DLC1: variants seen among roughly 807,000 people sequenced by gnomAD.
The protein encoded by DLC1 is DLC1 Rho GTPase activating protein, also known as rho GTPase-activating protein 7.
DLC1 carries 54 observed loss-of-function variants against 140.3 expected under a neutral mutation model. That is an observed-to-expected ratio of 0.38 (90% CI 0.31 to 0.48). DLC1 has a LOEUF of 0.48. DLC1 is among the 20% of genes least tolerant of loss of function. The pLI is 0.96. For synonymous variants in DLC1, 986 were observed against 728.1 expected (o/e 1.35, Z -5.70); for missense variants, 2,536 against 1,907.0 (o/e 1.33, Z -6.14).
intron 5 of DLC1, chr8:13,160,075 T>A (rs1239841264): frequency 2.0e-5 from 3 of 152,230 alleles, no homozygotes; most frequent in African/African-American, 7.2e-5. Context: ...GGAGAATCGC[T>A]TGAGCCCAAG....
At chr8:13,347,499 C>G (rs767777311) in intron 4 of DLC1, among the ~76,000 whole-genome samples, 1 of 152,144 alleles carries the variant, frequency 6.6e-6, no homozygotes, top group African/African-American at 2.4e-5. Context: ...GGAATTTAAC[C>G]TCTCCTCTGC....
intron 5 of DLC1, among the ~76,000 whole-genome samples, chr8:13,158,726 A>ACCCCC (rs1824436999): frequency 8.2e-4 from 14 of 17,054 alleles, no homozygotes; most frequent in East Asian, 1.9e-3. Flanking sequence ...GTTCACAACC[A>ACCCCC]CCACCCTCCC....
At chr8:13,351,803 C>T (rs183330028) in intron 4 of DLC1, among the ~76,000 whole-genome samples, 12 of 152,296 alleles carry the variant, frequency 7.9e-5, no homozygotes, top group Admixed American at 6.5e-4. Context: ...ACACACTTCT[C>T]AAAAGAAATT....
chr8:13,314,000 A>G (rs982039379), intron 4 of DLC1, among the ~76,000 whole-genome samples: 14 of 152,094 alleles, frequency 9.2e-5, no homozygotes, highest in African/African-American at 3.4e-4. Flanking sequence ...TTGGAGCAGC[A>G]GGACCTGAGG....
intron 7 of DLC1, among the ~76,000 whole-genome samples, chr8:13,110,336 A>C (rs562130282): frequency 4.0e-4 from 61 of 152,186 alleles, no homozygotes; most frequent in Non-Finnish European, 6.5e-4. Context: ...GGGAAACTGA[A>C]GAGGTTGAGA....
chr8:13,360,581 C>T (rs112182181), intron 4 of DLC1, among the ~76,000 whole-genome samples: 1 of 152,036 alleles, frequency 6.6e-6, no homozygotes, highest in South Asian at 2.1e-4. Flanking sequence ...GTTATAAATT[C>T]TCCAGTTAAT....
chr8:13,347,234 C>T (rs1457374404), intron 4 of DLC1, among the ~76,000 whole-genome samples: 1 of 152,150 alleles, frequency 6.6e-6, no homozygotes, highest in Non-Finnish European at 1.5e-5. Context: ...CAGAGAGAAA[C>T]AAGTATGTGG....
intron 5 of DLC1, among the ~76,000 whole-genome samples, chr8:13,150,560 T>A (rs1381918688): frequency 2.0e-5 from 3 of 152,234 alleles, no homozygotes; most frequent in Admixed American, 2.0e-4. Flanking sequence ...AAGCCTGCGA[T>A]GGCTTTAATA....
At chr8:13,244,988 C>G (rs1829704269) in intron 5 of DLC1, among the ~76,000 whole-genome samples, 1 of 152,180 alleles carries the variant, frequency 6.6e-6, no homozygotes, top group Non-Finnish European at 1.5e-5. Flanking sequence ...TAACTTCCTT[C>G]AAGAGTTGAG....
chr8:13,171,626 A>G (rs1210779380), intron 5 of DLC1, among the ~76,000 whole-genome samples: 2 of 152,134 alleles, frequency 1.3e-5, no homozygotes, highest in Non-Finnish European at 2.9e-5. Flanking sequence ...GGCCTCAAGC[A>G]ATCCTCCCTC....
chr8:13,254,314 G>A (rs980409585), intron 5 of DLC1, among the ~76,000 whole-genome samples: 1 of 152,112 alleles, frequency 6.6e-6, no homozygotes, highest in Non-Finnish European at 1.5e-5. Context: ...GCCAGAACAC[G>A]CCTCCTACCC....
intron 2 of DLC1, among the ~76,000 whole-genome samples, chr8:13,445,672 A>G (rs1026709255): frequency 6.6e-6 from 1 of 152,214 alleles, no homozygotes; most frequent in Admixed American, 6.5e-5. Flanking sequence ...ACTTTATTAT[A>G]GGGAGGCCGA....
At chr8:13,568,902 TGA>T (rs1224067820) in intron 1 of DLC1, among the ~76,000 whole-genome samples, 6 of 152,172 alleles carry the variant, frequency 3.9e-5, no homozygotes, top group African/African-American at 1.2e-4. Flanking sequence ...AAGTAAATAA[TGA>T]ATGGATATAG....
At chr8:13,517,251 A>C (rs367679304), upstream of DLC1, among the ~76,000 whole-genome samples, 1 of 152,110 alleles carries the variant, frequency 6.6e-6, no homozygotes, top group African/African-American at 2.4e-5. Context: ...CATCATGCTA[A>C]TTCTTAGCTA....
At chr8:13,349,530 A>C (rs1485853521) in intron 4 of DLC1, among the ~76,000 whole-genome samples, 1 of 152,248 alleles carries the variant, frequency 6.6e-6, no homozygotes, top group Non-Finnish European at 1.5e-5. Flanking sequence ...CTGGGTCTCA[A>C]CCAGATCACC....
intron 5 of DLC1, among the ~76,000 whole-genome samples, chr8:13,136,386 C>A (rs1167649186): frequency 6.6e-6 from 1 of 152,110 alleles, no homozygotes; most frequent in East Asian, 1.9e-4. Context: ...TCTTTATGTC[C>A]ATGAGTACTC....
intron 2 of DLC1, among the ~76,000 whole-genome samples, chr8:13,410,850 A>G (rs1837751943): frequency 6.6e-6 from 1 of 152,220 alleles, no homozygotes; most frequent in Admixed American, 6.5e-5. Flanking sequence ...AAGAATCTGC[A>G]GCAGAGGCGC....
intron 5 of DLC1, among the ~76,000 whole-genome samples, chr8:13,237,546 T>A (rs1413758434): frequency 6.6e-6 from 1 of 152,026 alleles, no homozygotes; most frequent in Non-Finnish European, 1.5e-5. Flanking sequence ...TCTGAGGTTT[T>A]GGTGCACCCA....
At chr8:13,198,080 G>C (rs1827169066) in intron 5 of DLC1, among the ~76,000 whole-genome samples, 1 of 150,006 alleles carries the variant, frequency 6.7e-6, no homozygotes, top group Admixed American at 6.7e-5. Flanking sequence ...ATGAAACCCT[G>C]TCTCAAAAAA....
Sources: allele counts gnomAD v4.1 joint callset (sites outside exome capture counted in the v4.1 genomes callset), GRCh38; gene constraint gnomAD v4.1.1; transcripts MANE v1.5; gene names NCBI Gene and HGNC (gene_info 2026-07-23, HGNC 2026-07-21).